Variants in CDC5L observed in about 807,000 individuals in gnomAD.
CDC5L encodes the protein cell division cycle 5-like protein.
A neutral mutation model predicts 104.1 loss-of-function variants in CDC5L; 18 were observed. The ratio of observed to expected loss-of-function variants is 0.17; its 90% CI spans 0.12 to 0.26. The LOEUF is 0.26. Ranked by LOEUF, CDC5L falls within the 10% of genes least tolerant of loss-of-function variation. The pLI is 1.00. For synonymous variants in CDC5L, 331 were observed against 322.7 expected, an observed-to-expected ratio of 1.03 and a Z score of -0.28; for missense variants, 673 against 956.9, an observed-to-expected ratio of 0.70 and a Z score of 3.91.
intron 14 of CDC5L, among the ~76,000 whole-genome samples, chr6:44,437,107 AT>A (rs533385470): frequency 6.6e-6 from 1 of 152,142 alleles, no homozygotes; most frequent in Non-Finnish European, 1.5e-5. Context: ...TTTTCTTTGA[AT>A]TTTAGGAAAT....
intron 8 of CDC5L, among the ~76,000 whole-genome samples, chr6:44,410,493 T>G (rs1791577739): frequency 6.6e-6 from 1 of 152,210 alleles, no homozygotes; most frequent in Non-Finnish European, 1.5e-5. Flanking sequence ...AGAGGTAGAA[T>G]TTTTCAAGAT....
chr6:44,411,633 A>AGTGTGT (rs780216018), intron 8 of CDC5L, among the ~76,000 whole-genome samples: 143 of 58,094 alleles, frequency 2.5e-3, no homozygotes, highest in Middle Eastern at 0.026. Flanking sequence ...AGAGAGAGAG[A>AGTGTGT]GAGAGTGTGT....
rs762774387 is a variant in CDC5L, at chr6:44,424,562, T to C, written c.1548T>C (p.Ala516=). The stretch of plus-strand genomic sequence containing the variant: ...ATGATACTTACATTGAAGATGCTGC[T>C]GATGTGGATGCTCGAAAGCAGGTGG... The part of the protein sequence containing the change: ...EIDDTYIEDA[A]DVDARKQAIR... Residue 516 remains alanine (A), a synonymous_variant, in exon 11 of 16, where the codon GCT becomes GCC. Coordinates refer to ENST00000371477, the MANE Select transcript of CDC5L (RefSeq NM_001253.4). The C allele has an allele frequency of 1.6e-5, 26 of 1,613,778 alleles. No homozygotes were observed. The highest frequency in any genetic ancestry group is 2.2e-5 in the Non-Finnish European group (26 of 1,179,890).
intron 9 of CDC5L, among the ~76,000 whole-genome samples, chr6:44,421,622 A>G (rs1792177524): frequency 6.6e-6 from 1 of 152,252 alleles, no homozygotes; most frequent in South Asian, 2.1e-4. Context: ...AATTCAACCA[A>G]CTGTGGATAA....
intron 6 of CDC5L, among the ~76,000 whole-genome samples, chr6:44,404,945 G>A (rs537671957): frequency 4.6e-5 from 7 of 152,074 alleles, no homozygotes; most frequent in East Asian, 1.9e-4. Context: ...CTCCCTTTGC[G>A]TCCCTCACAA....
At chr6:44,440,925 C>T (rs192991556) in intron 14 of CDC5L, among the ~76,000 whole-genome samples, 27 of 152,184 alleles carry the variant, frequency 1.8e-4, no homozygotes, top group Non-Finnish European at 2.5e-4. Context: ...CAAGGCTGGT[C>T]GTGAACTCCT....
intron 14 of CDC5L, among the ~76,000 whole-genome samples, chr6:44,441,043 A>G (rs1193351217): frequency 6.6e-6 from 1 of 152,172 alleles, no homozygotes; most frequent in Non-Finnish European, 1.5e-5. Context: ...TGAAATAAAC[A>G]TGATTCTGTG....
At chr6:44,403,194 GAT>G (rs766994863) in intron 5 of CDC5L, among the ~76,000 whole-genome samples, 3 of 151,984 alleles carry the variant, frequency 2.0e-5, no homozygotes, top group African/African-American at 4.8e-5. Context: ...GTGTTAATTA[GAT>G]ATGCACAAAT....
intron 14 of CDC5L, among the ~76,000 whole-genome samples, chr6:44,443,032 CTCTTTCTTT>C (rs1793277206): frequency 6.6e-6 from 1 of 151,524 alleles, no homozygotes; most frequent in Non-Finnish European, 1.5e-5. Flanking sequence ...TCTCTTTCTT[CTCTTTCTTT>C]TTCTTTCTTC....
rs199688549 is a variant in CDC5L at position 44,408,629 on chromosome 6, G to T, written c.1089G>T (p.Leu363=). 3 of 1,592,412 alleles carry T rather than the reference G, an allele frequency of 1.9e-6. No homozygotes were observed. In the South Asian group the frequency reaches 3.3e-5, roughly 18 times the overall value. The change falls in exon 8 of 16, where the codon CTG becomes CTT. Residue 363 remains leucine (L), a synonymous_variant. Transcript: ENST00000371477. ...CACCAGCTTCCCAGGACAGAATTCT[G>T]CAGGTAACGTGTCACGTAGTAGAAT... ...PRTPASQDRI[L]QEAQNLMALT...
intron 9 of CDC5L, among the ~76,000 whole-genome samples, chr6:44,421,934 C>T (rs1792200615): frequency 6.6e-6 from 1 of 152,012 alleles, no homozygotes; most frequent in South Asian, 2.1e-4. Context: ...GGGTGGGAAC[C>T]ATGTCTTATG....
intron 14 of CDC5L, among the ~76,000 whole-genome samples, chr6:44,432,604 AC>A (rs1231366089): frequency 6.6e-6 from 1 of 152,164 alleles, no homozygotes; most frequent in Non-Finnish European, 1.5e-5. Context: ...GAAACTTAGC[AC>A]TTAAGTGAAA....
At chr6:44,388,156 C>CGCCCCCCCCCG (rs1790429863) in intron 1 of CDC5L, among the ~76,000 whole-genome samples, 1 of 18,768 alleles carries the variant, frequency 5.3e-5, no homozygotes, top group Non-Finnish European at 2.7e-4. Flanking sequence ...CCCGCCCCCC[C>CGCCCCCCCCCG]GCCCCCCCCG....
chr6:44,429,424 A>G (rs1449147230), intron 13 of CDC5L, among the ~76,000 whole-genome samples: 1 of 152,220 alleles, frequency 6.6e-6, no homozygotes, highest in Non-Finnish European at 1.5e-5. Flanking sequence ...TTTCTCACAC[A>G]CACAATAGGT....
rs1331821066 is a variant in CDC5L at position 44,412,805 on chromosome 6, C to T, written c.1092+4173C>T. Among the ~76,000 whole-genome samples, 11 of 95,638 alleles carry T rather than the reference C, an allele frequency of 1.2e-4. No individual in the cohort carries two copies. In the South Asian group the frequency reaches 2.5e-3, roughly 22 times the overall value. 62.7% of individuals were successfully genotyped at this position (95,638 alleles called of 152,430 possible). ...TCTTTTTTTTTTTTTTTTTTTGAGA[C>T]GGAGTCTCGCTCTGTCGCCCAGGCT... is the stretch of plus-strand genomic sequence containing the variant. On this transcript the variant is annotated intron_variant, in intron 8 of 15. Transcript: ENST00000371477.
chr6:44,416,496 C>T (rs1201788238), intron 8 of CDC5L, among the ~76,000 whole-genome samples: 1 of 152,200 alleles, frequency 6.6e-6, no homozygotes, highest in Non-Finnish European at 1.5e-5. Context: ...CTACCTCTGA[C>T]CAATGATGGC....
intron 9 of CDC5L, among the ~76,000 whole-genome samples, chr6:44,420,781 C>G (rs1473037495): frequency 6.6e-6 from 1 of 152,188 alleles, no homozygotes; most frequent in Admixed American, 6.5e-5. Flanking sequence ...ATCCCCAAAT[C>G]TGAAAAAATC....
At chr6:44,442,362 GTGTGTGTGTATGT>G (rs1384083084) in intron 14 of CDC5L, among the ~76,000 whole-genome samples, 1 of 147,656 alleles carries the variant, frequency 6.8e-6, no homozygotes, top group Non-Finnish European at 1.5e-5. Flanking sequence ...TCTTGCTTGT[GTGTGTGTGTATGT>G]TGTGTGTGTG....
At chr6:44,437,973 A>G (rs1793010817) in intron 14 of CDC5L, among the ~76,000 whole-genome samples, 1 of 152,136 alleles carries the variant, frequency 6.6e-6, no homozygotes, top group African/African-American at 2.4e-5. Flanking sequence ...TTTTGGAGAC[A>G]GGGTCTTTCT....
Sources: gnomAD v4.1 joint callset for allele counts (sites outside exome capture counted in the v4.1 genomes callset) on GRCh38, gnomAD v4.1.1 for gene constraint, MANE v1.5 for transcripts, NCBI Gene and HGNC (gene_info 2026-07-23, HGNC 2026-07-21) for gene names.